The following NELL2 variants were observed in gnomAD, a reference collection of about 807,000 sequenced individuals.
NELL2 encodes the protein neural EGFL like 2, also known as protein kinase C-binding protein NELL2.
In NELL2, 41 loss-of-function variants were observed where a neutral mutation model predicts 109.6. The ratio of observed to expected loss-of-function variants is 0.37; its 90% CI spans 0.29 to 0.49. NELL2 has a LOEUF of 0.49. Ranked by LOEUF, NELL2 falls within the 20% of genes least tolerant of loss-of-function variation. The pLI is 0.98. For synonymous variants in NELL2, 355 were observed against 344.7 expected, an observed-to-expected ratio of 1.03 and a Z score of -0.33; for missense variants, 900 against 1,008.3, an observed-to-expected ratio of 0.89 and a Z score of 1.45.
In NELL2 at chr12:44,714,651, T is replaced by C; in HGVS notation, c.1085A>G (p.Lys362Arg). The change falls in exon 10 of 20, where the codon AAG (lysine) becomes AGG (arginine). Residue 362 changes from lysine (K) to arginine (R), a missense_variant and splice_region_variant. By Grantham distance (26) the Lys-to-Arg change is conservative. This residue lies in a region of NELL2 where 292 missense variants were observed against 265.3 expected (regional missense o/e 1.10). Coordinates refer to ENST00000429094, the MANE Select transcript of NELL2 (RefSeq NM_001145108.2). Reference sequence around the variant, plus strand: ...AAGACCCACGAATAGTCTTCTTACCTTGCACTCATAGAGAACACATACTCC... The same window carrying C: ...AAGACCCACGAATAGTCTTCTTACCCTGCACTCATAGAGAACACATACTCC... ...SSGVCVLYEC[K>R]DQTMKLVESS... is the part of the protein sequence containing the mutation. 1 of 1,573,934 alleles carries C rather than the reference T, an allele frequency of 6.4e-7. No individual in the cohort carries two copies. The highest frequency in any genetic ancestry group is 8.6e-7 in the Non-Finnish European group (1 of 1,159,154).
intron 2 of NELL2, among the ~76,000 whole-genome samples, chr12:44,859,144 C>A (rs906916420): frequency 1.1e-4 from 16 of 152,192 alleles, no homozygotes; most frequent in Admixed American, 6.5e-5. Flanking sequence ...TCCTATTTTA[C>A]TGTAATAATT....
intron 15 of NELL2, among the ~76,000 whole-genome samples, chr12:44,562,473 A>C (rs1943502198): frequency 6.6e-6 from 1 of 152,238 alleles, no homozygotes; most frequent in Non-Finnish European, 1.5e-5. Context: ...TTTACAAGAA[A>C]AAAACAAACA....
intron 13 of NELL2, among the ~76,000 whole-genome samples, chr12:44,621,575 C>A (rs2136272227): frequency 6.6e-6 from 1 of 152,110 alleles, no homozygotes; most frequent in South Asian, 2.1e-4. Flanking sequence ...CAAATAGGAT[C>A]AATAAAGATG....
chr12:44,643,142 T>C (rs1262694324), intron 13 of NELL2, among the ~76,000 whole-genome samples: 2 of 152,170 alleles, frequency 1.3e-5, no homozygotes, highest in Admixed American at 6.6e-5. Flanking sequence ...ATGTGCACAA[T>C]TGAGGCCTAA....
At chr12:44,745,232 C>G (rs935571461) in intron 9 of NELL2, among the ~76,000 whole-genome samples, 4 of 151,088 alleles carry the variant, frequency 2.6e-5, no homozygotes, top group African/African-American at 9.9e-5. Context: ...GCAGAAAAGG[C>G]CTTTGACAAA....
chr12:44,652,798 C>T (rs1308015434), intron 13 of NELL2, among the ~76,000 whole-genome samples: 1 of 152,226 alleles, frequency 6.6e-6, no homozygotes, highest in Non-Finnish European at 1.5e-5. Flanking sequence ...ACAATGTCCA[C>T]AGGCCTGCGT....
intron 13 of NELL2, among the ~76,000 whole-genome samples, chr12:44,662,903 G>T (rs775411873): frequency 6.6e-6 from 1 of 152,024 alleles, no homozygotes; most frequent in Non-Finnish European, 1.5e-5. Context: ...CCATGAGCTC[G>T]GACACAAACA....
intron 9 of NELL2, among the ~76,000 whole-genome samples, chr12:44,734,905 G>A (rs1939559812): frequency 6.6e-6 from 1 of 151,732 alleles, no homozygotes; most frequent in Non-Finnish European, 1.5e-5. Flanking sequence ...TTTCATTCTT[G>A]AAGGATATTC....
intron 9 of NELL2, among the ~76,000 whole-genome samples, chr12:44,748,742 C>G (rs1192996215): frequency 6.6e-6 from 1 of 152,036 alleles, no homozygotes. Flanking sequence ...AGTGTGGAAG[C>G]AATGAAAAGA....
In NELL2 at chr12:44,837,118, T is replaced by A. The variant is rs118134884; in HGVS notation, c.185-20982A>T. ...TACTTGTTGAATGAATAACAAGAGC[T>A]ACTATTTACTGACTGCTTACTATGT... On this transcript the variant is annotated intron_variant, in intron 2 of 19. Coordinates refer to ENST00000429094, the MANE Select transcript of NELL2 (RefSeq NM_001145108.2). Among the ~76,000 whole-genome samples the A allele has an allele frequency of 1.1e-4, 16 of 152,356 alleles. No individual in the cohort carries two copies. In the East Asian group the frequency reaches 1.3e-3, roughly 13 times the overall value.
intron 1 of NELL2, among the ~76,000 whole-genome samples, chr12:44,912,399 T>A (rs1180132052): frequency 6.6e-6 from 1 of 152,124 alleles, no homozygotes; most frequent in Non-Finnish European, 1.5e-5. Flanking sequence ...ATTTAAAGGA[T>A]GTATTTACTC....
At chr12:44,790,570 A>G (rs1942344087) in intron 3 of NELL2, among the ~76,000 whole-genome samples, 1 of 152,156 alleles carries the variant, frequency 6.6e-6, no homozygotes, top group South Asian at 2.1e-4. Flanking sequence ...AATACAACGT[A>G]AAAAGCAAAA....
chr12:44,866,676 A>G (rs1037034252), intron 2 of NELL2, among the ~76,000 whole-genome samples: 7 of 152,152 alleles, frequency 4.6e-5, no homozygotes, highest in Non-Finnish European at 1.0e-4. Flanking sequence ...GAAAAAATAA[A>G]TGAAACAGAG....
chr12:44,758,119 GCGTAA>G (rs1940970526), intron 9 of NELL2, among the ~76,000 whole-genome samples: 4 of 151,952 alleles, frequency 2.6e-5, no homozygotes, highest in African/African-American at 9.7e-5. Flanking sequence ...ACTGTTTTCA[GCGTAA>G]TCTAAAGAGA....
chr12:44,918,129 A>C (rs1945842243), upstream of NELL2, among the ~76,000 whole-genome samples: 1 of 152,206 alleles, frequency 6.6e-6, no homozygotes, highest in South Asian at 2.1e-4. Flanking sequence ...CAAACATCAC[A>C]GCTAAAATGT....
intron 5 of NELL2, among the ~76,000 whole-genome samples, chr12:44,778,231 C>G (rs1429857741): frequency 1.3e-5 from 2 of 152,048 alleles, no homozygotes; most frequent in Non-Finnish European, 2.9e-5. Flanking sequence ...TAAAGATTTA[C>G]CAGTCAAATA....
chr12:44,515,117 A>C (rs2138966204), intron 19 of NELL2, among the ~76,000 whole-genome samples: 1 of 151,938 alleles, frequency 6.6e-6, no homozygotes, highest in Admixed American at 6.6e-5. Flanking sequence ...ACAAATGACA[A>C]AATGGTAGTC....
intron 12 of NELL2, among the ~76,000 whole-genome samples, chr12:44,679,615 C>G (rs1948430289): frequency 6.6e-6 from 1 of 152,010 alleles, no homozygotes; most frequent in African/African-American, 2.4e-5. Context: ...TCCCAAATGC[C>G]TGCTTTAAGT....
intron 15 of NELL2, among the ~76,000 whole-genome samples, chr12:44,550,227 C>A (rs960347658): frequency 6.6e-5 from 10 of 152,132 alleles, no homozygotes; most frequent in African/African-American, 2.4e-4. Flanking sequence ...TTAAAGCATA[C>A]AGAACTCAAA....
Sources: allele counts gnomAD v4.1 joint callset (sites outside exome capture counted in the v4.1 genomes callset), GRCh38; gene constraint gnomAD v4.1.1; regional missense constraint gnomAD v4.1.1; transcripts MANE v1.5; gene names NCBI Gene and HGNC (gene_info 2026-07-23, HGNC 2026-07-21).